SPON1: variants seen among roughly 807,000 people sequenced by gnomAD.
SPON1 encodes spondin-1.
SPON1 carries 52 observed loss-of-function variants against 111.7 expected under a neutral mutation model. That is an observed-to-expected ratio of 0.47 (90% CI 0.37 to 0.59). The LOEUF is 0.59. SPON1 is among the 20% of genes least tolerant of loss of function. The pLI is 0.00. For missense variants in SPON1, 957 were observed against 1,068.5 expected, an observed-to-expected ratio of 0.90 and a Z score of 1.46; for synonymous variants, 410 against 395.8, an observed-to-expected ratio of 1.04 and a Z score of -0.43.
intron 2 of SPON1, among the ~76,000 whole-genome samples, chr11:14,015,120 G>A (rs929003435): frequency 6.6e-6 from 1 of 152,192 alleles, no homozygotes; most frequent in Non-Finnish European, 1.5e-5. Context: ...TGTTTCTTAT[G>A]AGTGTAAATG....
chr11:14,026,576 G>C (rs1162576736), intron 2 of SPON1, among the ~76,000 whole-genome samples: 1 of 152,198 alleles, frequency 6.6e-6, no homozygotes, highest in African/African-American at 2.4e-5. Flanking sequence ...CTCAAGGCGA[G>C]GGGGTGGGGG....
In SPON1 at chr11:14,267,207, G is replaced by A. The variant is rs1042630189; in HGVS notation, c.*1520G>A. Reference sequence around the variant, plus strand: ...AGAGACTATTCAATAAAAACTCACTGGGTCTTTCATGTCTTTAAGCTAAGT... The same window carrying A: ...AGAGACTATTCAATAAAAACTCACTAGGTCTTTCATGTCTTTAAGCTAAGT... On this transcript the variant is annotated 3_prime_UTR_variant, in exon 16 of 16. Transcript: ENST00000576479. 6.6e-6 allele frequency: 1 copy of A among 152,112 alleles called. No homozygotes were observed. The highest frequency in any genetic ancestry group is 1.5e-5 in the Non-Finnish European group (1 of 68,010). 9.4% of individuals were successfully genotyped at this position (152,112 alleles called of 1,614,324 possible). A position where few individuals can be genotyped will look rare whatever the true frequency, so the allele number is the denominator to read the frequency against.
intron 6 of SPON1, among the ~76,000 whole-genome samples, chr11:14,165,942 G>A (rs535506434): frequency 6.6e-6 from 1 of 152,294 alleles, no homozygotes; most frequent in East Asian, 1.9e-4. Context: ...GTGAGCCCAG[G>A]CATGGGTTTG....
At chr11:14,237,228 T>C (rs1848878231) in intron 6 of SPON1, among the ~76,000 whole-genome samples, 1 of 152,194 alleles carries the variant, frequency 6.6e-6, no homozygotes, top group Non-Finnish European at 1.5e-5. Flanking sequence ...TTTTTGTGCA[T>C]GGCAACTGGG....
chr11:14,095,404 C>CTAGA (rs3047371), intron 5 of SPON1, among the ~76,000 whole-genome samples: 6,194 of 148,266 alleles, frequency 0.042, 132 homozygotes, highest in East Asian at 0.053. Context: ...AAATGAGAGA[C>CTAGA]TAGATAGATA....
chr11:14,159,114 A>G (rs1406195945), intron 6 of SPON1, among the ~76,000 whole-genome samples: 2 of 152,102 alleles, frequency 1.3e-5, no homozygotes, highest in Non-Finnish European at 1.5e-5. Context: ...ACCTCTATGG[A>G]TTTAACATAA....
At chr11:14,037,529 G>GAA (rs34072683) in intron 2 of SPON1, among the ~76,000 whole-genome samples, 102,770 of 146,974 alleles carry the variant, frequency 0.7, 36,535 homozygotes, top group African/African-American at 0.83. Context: ...TCCACATGTA[G>GAA]AAAAAAAAAA....
At chr11:14,059,474 G>A (rs1848773842) in intron 3 of SPON1, among the ~76,000 whole-genome samples, 1 of 151,718 alleles carries the variant, frequency 6.6e-6, no homozygotes, top group South Asian at 2.1e-4. Context: ...ACCCCCTCAG[G>A]GCTCAATTAT....
intron 1 of SPON1, among the ~76,000 whole-genome samples, chr11:13,964,678 C>G (rs1848002172): frequency 6.6e-6 from 1 of 152,160 alleles, no homozygotes; most frequent in Admixed American, 6.5e-5. Flanking sequence ...GAGAACACCC[C>G]GCCCAGCCCG....
At chr11:14,177,221 T>C (rs1000719649) in intron 6 of SPON1, among the ~76,000 whole-genome samples, 2 of 152,200 alleles carry the variant, frequency 1.3e-5, no homozygotes, top group African/African-American at 4.8e-5. Context: ...TTTGTATTTT[T>C]AGTAGAGACG....
chr11:14,265,648 C>A lies in SPON1; in HGVS notation c.2385C>A (p.Asp795Glu), dbSNP rs782602822. 83 of 1,613,588 alleles carry A rather than the reference C, an allele frequency of 5.1e-5. No homozygotes were observed. The South Asian group carries it at 8.7e-4, about 17-fold the overall frequency. ...GCTCCCAGTTTACCAGCTGCAAAGA[C>A]AAGAAGGAGATCAGAGCATGCAATG... ...FKSSQFTSCK[D>E]KKEIRACNVH... is the part of the protein sequence containing the mutation. Residue 795 changes from aspartate (D) to glutamate (E), a missense_variant, in exon 16 of 16, where the codon GAC becomes GAA. Around this residue, in one of 5 missense-constraint regions of SPON1, gnomAD observed 549 missense variants for 606.2 expected, o/e 0.91. Transcript: ENST00000576479.
At chr11:14,077,957 A>G (rs1359062390) in intron 4 of SPON1, among the ~76,000 whole-genome samples, 2 of 152,186 alleles carry the variant, frequency 1.3e-5, no homozygotes, top group Non-Finnish European at 2.9e-5. Context: ...AGAGTTGCAA[A>G]GGAAGTCAGT....
intron 1 of SPON1, among the ~76,000 whole-genome samples, chr11:13,978,043 C>T (rs149706756): frequency 6.6e-6 from 1 of 152,110 alleles, no homozygotes; most frequent in Non-Finnish European, 1.5e-5. Context: ...CCTAATACAT[C>T]CTTTGTCATA....
intron 6 of SPON1, among the ~76,000 whole-genome samples, chr11:14,149,272 ATG>A (rs1243630184): frequency 7.9e-5 from 12 of 152,146 alleles, no homozygotes; most frequent in Non-Finnish European, 1.2e-4. Context: ...ATTTTTTAAA[ATG>A]TGTGTGTTTA....
intron 3 of SPON1, among the ~76,000 whole-genome samples, chr11:14,060,622 C>T (rs1183061700): frequency 6.6e-6 from 1 of 152,182 alleles, no homozygotes; most frequent in African/African-American, 2.4e-5. Context: ...TGTCCTTTGG[C>T]CCCACCTCTG....
intron 5 of SPON1, among the ~76,000 whole-genome samples, chr11:14,113,752 G>A (rs375891887): frequency 2.0e-5 from 3 of 151,392 alleles, no homozygotes; most frequent in Admixed American, 2.0e-4. Flanking sequence ...ACAGGCGCCC[G>A]CCACCACGCC....
intron 2 of SPON1, 42 bp from the exon 3 acceptor site, chr11:14,041,479 A>C: frequency 6.2e-7 from 1 of 1,605,998 alleles, no homozygotes; most frequent in Non-Finnish European, 8.5e-7. Context: ...CGCCCTCTCA[A>C]AATGATGTTG....
intron 5 of SPON1, among the ~76,000 whole-genome samples, chr11:14,130,541 A>G (rs1177387390): frequency 2.0e-5 from 3 of 151,982 alleles, no homozygotes; most frequent in Admixed American, 2.0e-4. Context: ...TTGATGAGAT[A>G]TGAGTGAGAA....
At chr11:14,201,348 A>T (rs1432693695) in intron 6 of SPON1, among the ~76,000 whole-genome samples, 1 of 36,362 alleles carries the variant, frequency 2.8e-5, no homozygotes, top group Non-Finnish European at 4.4e-5. Flanking sequence ...TAACCAAAAC[A>T]AAAAAACAAA....
Sources: allele counts gnomAD v4.1 joint callset (sites outside exome capture counted in the v4.1 genomes callset), GRCh38; gene constraint gnomAD v4.1.1; regional missense constraint gnomAD v4.1.1; transcripts MANE v1.5; gene names NCBI Gene and HGNC (gene_info 2026-07-23, HGNC 2026-07-21).